Variants in LUZP2 observed in about 807,000 individuals in gnomAD.
LUZP2 encodes leucine zipper protein 2.
In LUZP2, 52 loss-of-function variants were observed where a neutral mutation model predicts 51.6. The observed-to-expected ratio is 1.01, with a 90% confidence interval of 0.81 to 1.27. LUZP2 has a LOEUF of 1.27. Ranked by LOEUF, LUZP2 falls within the 50% of genes most tolerant of loss-of-function variation. LUZP2 has a pLI of 0.00. For synonymous variants in LUZP2, 154 were observed against 137.3 expected (o/e 1.12, Z -0.85); for missense variants, 436 against 395.4 (o/e 1.10, Z -0.87).
chr11:24,580,515 A>G (rs945533793), intron 1 of LUZP2, among the ~76,000 whole-genome samples: 3 of 152,148 alleles, frequency 2.0e-5, no homozygotes, highest in Admixed American at 6.6e-5. Context: ...TCTTCTGCTG[A>G]TTTAATTAGC....
At chr11:24,626,821 A>T (rs1396981619) in intron 1 of LUZP2, among the ~76,000 whole-genome samples, 1 of 152,232 alleles carries the variant, frequency 6.6e-6, no homozygotes, top group East Asian at 1.9e-4. Context: ...GAAATTGAGA[A>T]TCTGCTTCAC....
chr11:24,875,091 CCT>C (rs1852202274), intron 5 of LUZP2, among the ~76,000 whole-genome samples: 2 of 151,808 alleles, frequency 1.3e-5, no homozygotes, highest in Admixed American at 6.6e-5. Flanking sequence ...TATTTACACT[CCT>C]CTTTTTTTTT....
intron 1 of LUZP2, among the ~76,000 whole-genome samples, chr11:24,629,678 T>G (rs1854811094): frequency 6.6e-6 from 1 of 151,472 alleles, no homozygotes; most frequent in Non-Finnish European, 1.5e-5. Context: ...GTCTTTTTGA[T>G]AAAATGATTT....
chr11:24,539,469 G>T (rs1438169407), intron 1 of LUZP2, among the ~76,000 whole-genome samples: 1 of 151,866 alleles, frequency 6.6e-6, no homozygotes, highest in Admixed American at 6.6e-5. Flanking sequence ...TCTAAGTACA[G>T]ATGTGTAAGG....
At chr11:24,999,510 A>G (rs1291538623) in intron 9 of LUZP2, among the ~76,000 whole-genome samples, 1 of 151,718 alleles carries the variant, frequency 6.6e-6, no homozygotes, top group African/African-American at 2.4e-5. Context: ...GGAGAAGAAG[A>G]GGAGGAGGAA....
At chr11:24,637,330 A>T (rs1056424170) in intron 1 of LUZP2, among the ~76,000 whole-genome samples, 2 of 151,726 alleles carry the variant, frequency 1.3e-5, no homozygotes, top group African/African-American at 4.9e-5. Context: ...TAAGCTGAGG[A>T]TGTATGTCAC....
intron 5 of LUZP2, among the ~76,000 whole-genome samples, chr11:24,901,781 T>C (rs1853289481): frequency 6.6e-6 from 1 of 152,158 alleles, no homozygotes; most frequent in Admixed American, 6.5e-5. Flanking sequence ...TTTCTATCCA[T>C]TGACCTCCAT....
At chr11:24,908,168 G>T (rs1266023235) in intron 6 of LUZP2, among the ~76,000 whole-genome samples, 1 of 152,074 alleles carries the variant, frequency 6.6e-6, no homozygotes, top group Admixed American at 6.6e-5. Context: ...ACCCTCAACT[G>T]TCAGTATTCA....
intron 1 of LUZP2, among the ~76,000 whole-genome samples, chr11:24,639,749 C>A (rs1253178661): frequency 6.6e-6 from 1 of 151,856 alleles, no homozygotes; most frequent in Non-Finnish European, 1.5e-5. Flanking sequence ...CTGTGCCCGG[C>A]CTTAATGTTT....
intron 1 of LUZP2, among the ~76,000 whole-genome samples, chr11:24,532,096 C>CT (rs951185822): frequency 1.3e-5 from 2 of 150,808 alleles, no homozygotes; most frequent in African/African-American, 2.4e-5. Context: ...ACCACATTCA[C>CT]TTTAATCATT....
At chr11:24,771,793 C>T (rs900532012) in intron 5 of LUZP2, among the ~76,000 whole-genome samples, 12 of 151,978 alleles carry the variant, frequency 7.9e-5, no homozygotes, top group African/African-American at 2.4e-4. Context: ...GTGAATAAGT[C>T]TCATGAGATC....
At chr11:24,857,687 C>G (rs1565001449) in intron 5 of LUZP2, among the ~76,000 whole-genome samples, 1 of 122,700 alleles carries the variant, frequency 8.1e-6, no homozygotes. Flanking sequence ...TATTTACCAT[C>G]TTGATCTGCA....
chr11:24,918,638 TA>T (rs370733849), intron 7 of LUZP2, among the ~76,000 whole-genome samples: 6,410 of 148,570 alleles, frequency 0.043, 182 homozygotes, highest in Non-Finnish European at 0.053. Context: ...TGTAATTCTT[TA>T]AAAAAAAAAT....
intron 5 of LUZP2, among the ~76,000 whole-genome samples, chr11:24,801,344 AT>A (rs1013325148): frequency 2.6e-5 from 4 of 152,040 alleles, no homozygotes; most frequent in Non-Finnish European, 4.4e-5. Context: ...TTAAAGACAC[AT>A]TTTATTCAGG....
intron 5 of LUZP2, chr11:24,832,194 A>G (rs1458437558): frequency 6.6e-6 from 1 of 152,112 alleles, no homozygotes; most frequent in East Asian, 1.9e-4. Context: ...TACTGAGAAA[A>G]TGGACCTTGA....
chr11:24,687,656 T>C (rs1292933141), intron 1 of LUZP2, among the ~76,000 whole-genome samples: 4 of 152,150 alleles, frequency 2.6e-5, no homozygotes, highest in African/African-American at 9.7e-5. Context: ...CACCCCTACT[T>C]GGAGTAATTG....
intron 1 of LUZP2, among the ~76,000 whole-genome samples, chr11:24,519,230 T>C (rs1279406898): frequency 6.6e-6 from 1 of 152,174 alleles, no homozygotes; most frequent in Non-Finnish European, 1.5e-5. Context: ...TTTTCTACTT[T>C]GACTTCAGAC....
At chr11:24,755,236 A>G (rs1206947551) in intron 4 of LUZP2, among the ~76,000 whole-genome samples, 1 of 152,136 alleles carries the variant, frequency 6.6e-6, no homozygotes, top group African/African-American at 2.4e-5. Context: ...GAGAGCTGAT[A>G]ATACCAATGT....
At chr11:24,517,169 A>C (rs1850491092) in intron 1 of LUZP2, among the ~76,000 whole-genome samples, 1 of 152,080 alleles carries the variant, frequency 6.6e-6, no homozygotes, top group African/African-American at 2.4e-5. Context: ...CTGTCCAAAA[A>C]ACTATTGCTA....
Sources: gnomAD v4.1 joint callset for allele counts (sites outside exome capture counted in the v4.1 genomes callset) on GRCh38, gnomAD v4.1.1 for gene constraint, MANE v1.5 for transcripts, NCBI Gene and HGNC (gene_info 2026-07-23, HGNC 2026-07-21) for gene names.